NELL1: variants seen among roughly 807,000 people sequenced by gnomAD.
The protein encoded by NELL1 is neural EGFL like 1.
A neutral mutation model predicts 107.4 loss-of-function variants in NELL1; 76 were observed. That is an observed-to-expected ratio of 0.71 (90% CI 0.59 to 0.86). The LOEUF (loss-of-function observed/expected upper bound fraction) is 0.86, where lower values mean the gene tolerates loss of function less well. NELL1 is among the 40% of genes least tolerant of loss of function. NELL1 has a pLI of 0.00. For missense variants in NELL1, 1,024 were observed against 1,005.5 expected (o/e 1.02, Z -0.25); for synonymous variants, 353 against 341.2 (o/e 1.03, Z -0.38).
At chr11:20,726,272 G>A (rs1268923684) in intron 2 of NELL1, among the ~76,000 whole-genome samples, 4 of 152,208 alleles carry the variant, frequency 2.6e-5, no homozygotes, top group Admixed American at 2.6e-4. Context: ...TGGGATTGTT[G>A]CATCAAATGG....
chr11:21,572,144 A>G (rs1469100314), intron 18 of NELL1, among the ~76,000 whole-genome samples: 1 of 151,826 alleles, frequency 6.6e-6, no homozygotes, highest in Non-Finnish European at 1.5e-5. Context: ...TTTCCCTATG[A>G]GACTGGCAAA....
At position 21,277,692 on chromosome 11, in the gene NELL1, G is replaced by A. The variant is rs140367755; in HGVS notation, c.1549+48238G>A. Among the ~76,000 whole-genome samples the A allele has an allele frequency of 2.9e-3, 444 of 152,228 alleles. 2 individuals carry two copies. Among genetic ancestry groups the A allele is most frequent in the African/African-American group, 1.0e-2 (414 of 41,534 alleles). Reference sequence around the variant, plus strand: ...AGACTGGATTAAGAAAATGTGGCACGTATATACCATGGAATACTATGCATC... The same window carrying A: ...AGACTGGATTAAGAAAATGTGGCACATATATACCATGGAATACTATGCATC... On this transcript the variant is annotated intron_variant, in intron 14 of 19. Transcript: ENST00000357134.
rs76749402 is a variant in NELL1, at chr11:20,950,455, C to T, written c.1171+3020C>T. ...TTAAAAGTAACATAATCATCTCTCACAATTTTGTGAGAAATACTTTTCTTC... is the reference window on the plus strand; with the variant it reads ...TTAAAAGTAACATAATCATCTCTCATAATTTTGTGAGAAATACTTTTCTTC... On this transcript the variant is annotated intron_variant, in intron 11 of 19. Transcript: ENST00000357134. Among the ~76,000 whole-genome samples the T allele has an allele frequency of 4.3e-3, 660 of 152,308 alleles. 3 individuals are homozygous for T. The highest frequency in any genetic ancestry group is 0.015 in the African/African-American group (615 of 41,564).
rs67447563 is a variant in NELL1 at position 20,915,717 on chromosome 11, ATT to A, written c.604-2448_604-2447del. 4.6e-3 allele frequency among the ~76,000 whole-genome samples: 268 copies of A among 58,206 alleles called. 11 individuals carry two copies. Among genetic ancestry groups the A allele is most frequent in the African/African-American group, 0.021 (235 of 11,320 alleles). The allele number at this position is 58,206 out of a possible 152,430, so 38.2% of individuals were successfully genotyped here. ...TCATAGATGATATATATATATATAT[ATT>A]TTTTTTTTTTTTTTTTGAGAGGAAT... is the stretch of plus-strand genomic sequence containing the variant. On this transcript the variant is annotated intron_variant, in intron 5 of 19. Coordinates refer to ENST00000357134, the MANE Select transcript of NELL1 (RefSeq NM_006157.5).
intron 4 of NELL1, among the ~76,000 whole-genome samples, chr11:20,847,965 C>T (rs528758589): frequency 2.0e-5 from 3 of 152,220 alleles, no homozygotes; most frequent in Admixed American, 6.5e-5. Flanking sequence ...AACTGTATCC[C>T]GTGATTAGGA....
At chr11:20,782,893 G>T (rs1856878561) in intron 2 of NELL1, among the ~76,000 whole-genome samples, 1 of 152,184 alleles carries the variant, frequency 6.6e-6, no homozygotes, top group South Asian at 2.1e-4. Flanking sequence ...AGTGATGGAT[G>T]TCTCTTGTTA....
chr11:20,824,464 CAGA>C (rs1857829283), intron 3 of NELL1, among the ~76,000 whole-genome samples: 1 of 150,982 alleles, frequency 6.6e-6, no homozygotes, highest in African/African-American at 2.4e-5. Context: ...TTGGAGGGCT[CAGA>C]AGAAGATAGG....
intron 12 of NELL1, among the ~76,000 whole-genome samples, chr11:21,083,136 A>G (rs901110042): frequency 2.6e-5 from 4 of 152,232 alleles, no homozygotes; most frequent in African/African-American, 9.6e-5. Flanking sequence ...AAGTCCATAC[A>G]TAAGAATTAA....
chr11:21,459,721 T>A (rs1853850259), intron 15 of NELL1, among the ~76,000 whole-genome samples: 1 of 152,052 alleles, frequency 6.6e-6, no homozygotes, highest in Non-Finnish European at 1.5e-5. Flanking sequence ...TCAAATTGCT[T>A]AGTAGATGAA....
At chr11:20,957,304 T>G (rs1851195408) in intron 11 of NELL1, among the ~76,000 whole-genome samples, 1 of 152,174 alleles carries the variant, frequency 6.6e-6, no homozygotes, top group African/African-American at 2.4e-5. Context: ...CCTAAAAGCT[T>G]AGGGCTAGAC....
intron 12 of NELL1, among the ~76,000 whole-genome samples, chr11:21,055,638 C>G (rs115042051): frequency 6.6e-6 from 1 of 151,684 alleles, no homozygotes; most frequent in African/African-American, 2.4e-5. Context: ...AGATATTGAC[C>G]GACGGTTTTA....
intron 13 of NELL1, among the ~76,000 whole-genome samples, chr11:21,168,049 TG>T (rs1333994988): frequency 6.6e-6 from 1 of 151,766 alleles, no homozygotes; most frequent in Admixed American, 6.6e-5. Context: ...TTATGAATGG[TG>T]GGGGGAGATC....
intron 13 of NELL1, among the ~76,000 whole-genome samples, chr11:21,220,574 A>G (rs1433282909): frequency 6.6e-6 from 1 of 152,024 alleles, no homozygotes; most frequent in African/African-American, 2.4e-5. Flanking sequence ...AGTCTTTATT[A>G]TAGAGATCTC....
At chr11:21,213,492 CAATTG>C (rs564816256) in intron 13 of NELL1, among the ~76,000 whole-genome samples, 1,635 of 151,802 alleles carry the variant, frequency 0.011, 25 homozygotes, top group African/African-American at 0.03. Flanking sequence ...TCGACTGAAT[CAATTG>C]AATTGAATTG....
intron 2 of NELL1, among the ~76,000 whole-genome samples, chr11:20,737,831 G>GA (rs959674039): frequency 1.3e-5 from 2 of 151,518 alleles, no homozygotes; most frequent in African/African-American, 2.4e-5. Flanking sequence ...TTAAAGTGGA[G>GA]AAAAAATCAA....
intron 2 of NELL1, among the ~76,000 whole-genome samples, chr11:20,679,007 G>A (rs1854130044): frequency 6.6e-6 from 1 of 152,162 alleles, no homozygotes; most frequent in African/African-American, 2.4e-5. Flanking sequence ...TAAAGGTAAG[G>A]CAAAAGCCAA....
At chr11:20,719,681 T>C (rs1855334287) in intron 2 of NELL1, among the ~76,000 whole-genome samples, 3 of 152,220 alleles carry the variant, frequency 2.0e-5, no homozygotes, top group Admixed American at 2.0e-4. Context: ...GTCCACTCTT[T>C]ACCCATAGAG....
chr11:20,692,914 G>A (rs1407690495), intron 2 of NELL1, among the ~76,000 whole-genome samples: 1 of 152,120 alleles, frequency 6.6e-6, no homozygotes, highest in Non-Finnish European at 1.5e-5. Flanking sequence ...TTAATGCGTG[G>A]GAGTCTAAGT....
chr11:21,049,681 C>CTT (rs60727957), intron 12 of NELL1, among the ~76,000 whole-genome samples: 2 of 148,618 alleles, frequency 1.3e-5, no homozygotes. Context: ...GACTCAATAA[C>CTT]TTTTTTTTTT....
Sources: gnomAD v4.1 joint callset for allele counts (sites outside exome capture counted in the v4.1 genomes callset) on GRCh38, gnomAD v4.1.1 for gene constraint, MANE v1.5 for transcripts, NCBI Gene and HGNC (gene_info 2026-07-23, HGNC 2026-07-21) for gene names.